The following WWOX variants were observed in gnomAD, a reference collection of about 807,000 sequenced individuals.
The protein encoded by WWOX is WW domain containing oxidoreductase, also known as WW domain-containing oxidoreductase.
In WWOX, 69 loss-of-function variants were observed where a neutral mutation model predicts 46.2. That is an observed-to-expected ratio of 1.49 (90% CI 1.23 to 1.82). WWOX has a LOEUF of 1.82. WWOX is among the 40% of genes most tolerant of loss of function. The pLI is 0.00. For missense variants in WWOX, 919 were observed against 542.6 expected, an observed-to-expected ratio of 1.69 and a Z score of -6.89; for synonymous variants, 359 against 202.6, an observed-to-expected ratio of 1.77 and a Z score of -6.56.
intron 8 of WWOX, among the ~76,000 whole-genome samples, chr16:79,120,731 C>T (rs1194193512): frequency 2.0e-5 from 3 of 152,180 alleles, no homozygotes; most frequent in Non-Finnish European, 4.4e-5. Flanking sequence ...CTTGGACTTC[C>T]CTTCTGTCTG....
intron 8 of WWOX, among the ~76,000 whole-genome samples, chr16:78,455,606 G>A (rs2083796088): frequency 9.1e-6 from 1 of 110,076 alleles, no homozygotes; most frequent in Non-Finnish European, 1.6e-5. Context: ...TCATGCCACT[G>A]CACTCCAGCC....
intron 8 of WWOX, among the ~76,000 whole-genome samples, chr16:79,085,445 C>T (rs556793904): frequency 3.9e-5 from 6 of 152,188 alleles, no homozygotes; most frequent in Middle Eastern, 6.8e-3. Context: ...TTCTTCTTCC[C>T]AGTTCACTGG....
In WWOX at chr16:79,152,008, A is replaced by T. The variant is rs577666855; in HGVS notation, c.1057-59600A>T. ...TGTTACGAAGGGGGAACTAGTTTTC[A>T]TTGTCACTGTATTAAGCAGAAGTTG... On this transcript the variant is annotated intron_variant, in intron 8 of 8. Coordinates refer to ENST00000566780, the MANE Select transcript of WWOX (RefSeq NM_016373.4). Among the ~76,000 whole-genome samples, 132 of 152,320 alleles carry T rather than the reference A, an allele frequency of 8.7e-4. 1 individual carries two copies. Among genetic ancestry groups the T allele is most frequent in the Non-Finnish European group, 1.4e-3 (98 of 68,024 alleles).
At chr16:78,630,182 G>A (rs1401585904) in intron 8 of WWOX, among the ~76,000 whole-genome samples, 1 of 152,182 alleles carries the variant, frequency 6.6e-6, no homozygotes, top group Non-Finnish European at 1.5e-5. Flanking sequence ...CGTGATGATT[G>A]TGTATTCCTC....
intron 8 of WWOX, among the ~76,000 whole-genome samples, chr16:78,893,313 A>C (rs2044631173): frequency 6.6e-6 from 1 of 152,172 alleles, no homozygotes; most frequent in African/African-American, 2.4e-5. Context: ...CAGGCCTCGA[A>C]AAATACCAGT....
intron 8 of WWOX, among the ~76,000 whole-genome samples, chr16:78,460,689 A>G (rs918718334): frequency 5.9e-5 from 9 of 152,192 alleles, no homozygotes; most frequent in Non-Finnish European, 1.3e-4. Flanking sequence ...TTGAAGAACT[A>G]AAGAGTAGAC....
intron 8 of WWOX, among the ~76,000 whole-genome samples, chr16:78,958,167 A>G (rs780068122): frequency 2.4e-4 from 37 of 152,176 alleles, no homozygotes; most frequent in Non-Finnish European, 4.4e-4. Context: ...AGGAAATTCC[A>G]TTTGGTCCTT....
At chr16:78,992,110 G>C (rs769163165) in intron 8 of WWOX, among the ~76,000 whole-genome samples, 1 of 152,160 alleles carries the variant, frequency 6.6e-6, no homozygotes, top group Admixed American at 6.5e-5. Context: ...AGTTACTAAA[G>C]ATGTAGCAAT....
At chr16:79,011,498 T>TATTG (rs2047308865) in intron 8 of WWOX, among the ~76,000 whole-genome samples, 1 of 148,268 alleles carries the variant, frequency 6.7e-6, no homozygotes. Context: ...TTTATTTATT[T>TATTG]ATTTATTTTT....
chr16:78,488,831 A>G lies in WWOX; in HGVS notation c.1056+56079A>G, dbSNP rs549634489. On this transcript the variant is annotated intron_variant, in intron 8 of 8. Coordinates refer to ENST00000566780, the MANE Select transcript of WWOX (RefSeq NM_016373.4). ...ATCATTATGGCAGATCAGTGGGACG[A>G]TTGAGTCAAATAACATGCCCAATGC... Among the ~76,000 whole-genome samples the G allele has an allele frequency of 6.6e-5, 10 of 152,286 alleles. No homozygotes were observed. In the South Asian group the frequency reaches 1.7e-3, roughly 25 times the overall value.
intron 8 of WWOX, chr16:78,996,214 A>T: frequency 1.0e-6 from 1 of 985,224 alleles, no homozygotes; most frequent in South Asian, 4.7e-5. Flanking sequence ...ATTTTTGAAG[A>T]CTTGTGGATA....
chr16:78,267,527 C>G (rs1016491295), intron 5 of WWOX, among the ~76,000 whole-genome samples: 2 of 152,228 alleles, frequency 1.3e-5, no homozygotes, highest in African/African-American at 4.8e-5. Flanking sequence ...TGCATTGTAT[C>G]TGTCCTTCCC....
intron 8 of WWOX, among the ~76,000 whole-genome samples, chr16:78,570,264 G>A (rs115887014): frequency 0.024 from 3,636 of 152,220 alleles, 121 homozygotes; most frequent in African/African-American, 0.069. Context: ...AAAAACTTGC[G>A]TATAAATGTC....
At chr16:79,059,085 A>C (rs9972633) in intron 8 of WWOX, among the ~76,000 whole-genome samples, 62,683 of 152,054 alleles carry the variant, frequency 0.41, 14,893 homozygotes, top group Non-Finnish European at 0.53. Flanking sequence ...CTCCTTTTGA[A>C]AATGACATTT....
chr16:78,373,844 G>T (rs921320750), intron 5 of WWOX, among the ~76,000 whole-genome samples: 2 of 152,208 alleles, frequency 1.3e-5, no homozygotes, highest in Non-Finnish European at 2.9e-5. Context: ...CTGGAATGCA[G>T]TGGCTTGATC....
At chr16:78,438,347 A>C (rs888560595) in intron 8 of WWOX, among the ~76,000 whole-genome samples, 1 of 152,146 alleles carries the variant, frequency 6.6e-6, no homozygotes, top group South Asian at 2.1e-4. Flanking sequence ...GCTTTGTCCA[A>C]TGCACGGTAA....
At chr16:78,851,114 A>T (rs1185631649) in intron 8 of WWOX, among the ~76,000 whole-genome samples, 1 of 152,156 alleles carries the variant, frequency 6.6e-6, no homozygotes, top group African/African-American at 2.4e-5. Flanking sequence ...TGTGGTATTT[A>T]CCTTGATGAG....
intron 5 of WWOX, among the ~76,000 whole-genome samples, chr16:78,352,690 A>G (rs1022690153): frequency 6.6e-6 from 1 of 152,228 alleles, no homozygotes; most frequent in Non-Finnish European, 1.5e-5. Context: ...GCTATGTAAC[A>G]TATTTATAGA....
intron 5 of WWOX, among the ~76,000 whole-genome samples, chr16:78,371,667 C>T (rs185139669): frequency 3.9e-4 from 59 of 152,202 alleles, no homozygotes; most frequent in African/African-American, 1.4e-3. Flanking sequence ...TCCCTTTATG[C>T]ATCATCCATT....
Sources: gnomAD v4.1 joint callset for allele counts (sites outside exome capture counted in the v4.1 genomes callset) on GRCh38, gnomAD v4.1.1 for gene constraint, MANE v1.5 for transcripts, NCBI Gene and HGNC (gene_info 2026-07-23, HGNC 2026-07-21) for gene names.